The following APOH variants were observed in gnomAD, a reference collection of about 807,000 sequenced individuals.
The protein encoded by APOH is beta-2-glycoprotein 1.
In APOH, 48 loss-of-function variants were observed where a neutral mutation model predicts 39.8. That is an observed-to-expected ratio of 1.21 (90% CI 0.96 to 1.54). The LOEUF (loss-of-function observed/expected upper bound fraction) is 1.54, where lower values mean the gene tolerates loss of function less well. Ranked by LOEUF, APOH falls within the 40% of genes most tolerant of loss-of-function variation. The probability of loss-of-function intolerance (pLI) is 0.00; values close to 1 mark genes in which losing one functional copy is unlikely to be tolerated. For synonymous variants in APOH, 153 were observed against 151.1 expected (o/e 1.01, Z -0.09); for missense variants, 415 against 421.2 (o/e 0.99, Z 0.13).
At position 66,226,114 on chromosome 17, in the gene APOH, A is replaced by T; in HGVS notation, c.252T>A (p.Cys84Ter). 1.2e-6 allele frequency: 2 copies of T among 1,612,308 alleles called. No homozygotes were observed. Among genetic ancestry groups the T allele is most frequent in the East Asian group, 2.2e-5 (1 of 44,844 alleles). ...CATTTTCTAAGATTCCAGCAAAAGGACATACTCTGGCTGTGATACAAAGAT... is the reference window on the plus strand; with the variant it reads ...CATTTTCTAAGATTCCAGCAAAAGGTCATACTCTGGCTGTGATACAAAGAT... ...INTLKCTPRV[C>*]PFAGILENGA... The change falls in exon 3 of 8, where the codon TGT becomes TGA. Residue 84 changes from cysteine (C) to a stop codon, truncating the protein, a stop_gained. Transcript: ENST00000205948. LOFTEE classifies it high-confidence loss of function.
At chr17:66,214,324 G>T in intron 7 of APOH, 129 bp downstream of exon 7, 1 of 845,950 alleles carries the variant, frequency 1.2e-6, no homozygotes, top group South Asian at 1.5e-5. Flanking sequence ...CTCCCAAAGT[G>T]CTGGGATTAC....
Position 66,229,386 on chromosome 17 carries a change from T to G in APOH, c.-7A>C. On this transcript the variant is annotated 5_prime_UTR_variant, in exon 1 of 8. Coordinates refer to ENST00000205948, the MANE Select transcript of APOH (RefSeq NM_000042.3). ...TGAGCACTGGAGAAATCATTGTGGA[T>G]GAGTCACACTGGCACTACCAAAGTG... is the stretch of plus-strand genomic sequence containing the variant. The G allele has an allele frequency of 6.2e-7, 1 of 1,613,160 alleles. No homozygotes were observed. Among genetic ancestry groups the G allele is most frequent in the Non-Finnish European group, 8.5e-7 (1 of 1,179,390 alleles).
At chr17:66,225,603 T>G (rs1421311844) in intron 3 of APOH, among the ~76,000 whole-genome samples, 1 of 152,218 alleles carries the variant, frequency 6.6e-6, no homozygotes, top group Non-Finnish European at 1.5e-5. Context: ...GCAGAAAAAT[T>G]AGATACAGTG....
At chr17:66,223,519 T>A (rs574921163) in intron 4 of APOH, among the ~76,000 whole-genome samples, 179 bp downstream of exon 4, 1 of 152,338 alleles carries the variant, frequency 6.6e-6, no homozygotes, top group African/African-American at 2.4e-5. Context: ...GCTTCCCTTC[T>A]GTCATTCCAA....
intron 4 of APOH, among the ~76,000 whole-genome samples, chr17:66,221,132 G>A (rs1258215154): frequency 1.3e-5 from 2 of 151,706 alleles, no homozygotes; most frequent in Non-Finnish European, 2.9e-5. Context: ...GGCGGAGGTT[G>A]CAGTGAGCCA....
intron 6 of APOH, among the ~76,000 whole-genome samples, chr17:66,215,357 G>A (rs922447506): frequency 6.6e-6 from 1 of 152,232 alleles, no homozygotes; most frequent in South Asian, 2.1e-4. Context: ...CCCCATCCCA[G>A]ATCTACCAAA....
At chr17:66,219,527 A>G (rs1385654961) in intron 5 of APOH, among the ~76,000 whole-genome samples, 1 of 152,202 alleles carries the variant, frequency 6.6e-6, no homozygotes, top group African/African-American at 2.4e-5. Context: ...ACAAGTTACT[A>G]CTGTTATTGG....
intron 3 of APOH, among the ~76,000 whole-genome samples, chr17:66,224,559 GAAAA>G (rs1029424124): frequency 2.4e-5 from 3 of 123,064 alleles, no homozygotes; most frequent in African/African-American, 9.6e-5. Context: ...AGAAAGAAAA[GAAAA>G]GAAAGACGGA....
chr17:66,217,993 A>G (rs1214747699), intron 5 of APOH, among the ~76,000 whole-genome samples: 2 of 152,118 alleles, frequency 1.3e-5, no homozygotes, highest in African/African-American at 4.8e-5. Context: ...AAAATGGTGG[A>G]TGGAGGGAAA....
At chr17:66,221,159 C>T (rs956417606) in intron 4 of APOH, among the ~76,000 whole-genome samples, 3 of 150,616 alleles carry the variant, frequency 2.0e-5, no homozygotes, top group African/African-American at 4.9e-5. Context: ...CACCACTGCA[C>T]TCCAGCCTGG....
Position 66,220,748 on chromosome 17 carries a change from A to T in APOH, c.416-6T>A. ...TGGTGGAGGGCAGATGATGGCTGGG[A>T]AAATAAAGAACTATCATTTCTATGA... On this transcript the variant is annotated splice_polypyrimidine_tract_variant and splice_region_variant and intron_variant, in intron 4 of 7. Transcript: ENST00000205948. The T allele has an allele frequency of 2.5e-6, 4 of 1,601,170 alleles. No homozygotes were observed. Among genetic ancestry groups the T allele is most frequent in the Non-Finnish European group, 3.4e-6 (4 of 1,170,456 alleles).
chr17:66,217,591 T>C (rs2073373521), intron 5 of APOH, among the ~76,000 whole-genome samples: 1 of 151,930 alleles, frequency 6.6e-6, no homozygotes, highest in Admixed American at 6.6e-5. Flanking sequence ...AGGAGGTAAT[T>C]AAGGGTACAA....
chr17:66,220,659 G>A lies in APOH; in HGVS notation c.499C>T (p.Arg167Trp), dbSNP rs1034195006. 14 of 1,614,016 alleles carry A rather than the reference G, an allele frequency of 8.7e-6. No individual in the cohort carries two copies. Among genetic ancestry groups the A allele is most frequent in the African/African-American group, 6.7e-5 (5 of 74,920 alleles). Residue 167 changes from arginine to tryptophan, a missense_variant, in exon 5 of 8, where the codon CGG (arginine) becomes TGG (tryptophan). Coordinates refer to ENST00000205948, the MANE Select transcript of APOH (RefSeq NM_000042.3). ...KPSAGNNSLY[R>W]DTAVFECLPQ... Reference sequence around the variant, plus strand: ...AAACATTCAAAAACTGCTGTGTCCCGATAGAGGGAATTGTTTCCAGCTGAT... The same window carrying A: ...AAACATTCAAAAACTGCTGTGTCCCAATAGAGGGAATTGTTTCCAGCTGAT...
chr17:66,220,044 A>G (rs2073387945), intron 5 of APOH, among the ~76,000 whole-genome samples: 1 of 152,260 alleles, frequency 6.6e-6, no homozygotes, highest in South Asian at 2.1e-4. Flanking sequence ...TTTCTTAAAA[A>G]TCAAATATTT....
At chr17:66,224,732 G>A (rs1434341405) in intron 3 of APOH, among the ~76,000 whole-genome samples, 1 of 141,152 alleles carries the variant, frequency 7.1e-6, no homozygotes, top group Non-Finnish European at 1.5e-5. Context: ...GGAAAGGAAA[G>A]GAAAGGAAAG....
intron 5 of APOH, among the ~76,000 whole-genome samples, chr17:66,217,492 C>A (rs531712376): frequency 6.6e-6 from 1 of 152,152 alleles, no homozygotes; most frequent in Non-Finnish European, 1.5e-5. Context: ...AGATCCTCAA[C>A]AGTAGAGGCC....
rs749413879 is a variant in APOH, at chr17:66,214,464, T to C, written c.971A>G (p.Lys324Arg). ...QCIDGTIEVP[K>R]CFKEHSSLAF... is the part of the protein sequence containing the mutation. Reference sequence around the variant, plus strand: ...CAATGCAGACTTACCCTTGAAGCATTTGGGGACTTCGATAGTGCCATCTAT... The same window carrying C: ...CAATGCAGACTTACCCTTGAAGCATCTGGGGACTTCGATAGTGCCATCTAT... The change falls in exon 7 of 8, where the codon AAA becomes AGA. Residue 324 changes from lysine (K) to arginine (R), a missense_variant. Physicochemically the swap from Lys to Arg is conservative, Grantham distance 26. Coordinates refer to ENST00000205948, the MANE Select transcript of APOH (RefSeq NM_000042.3). 1.2e-5 allele frequency: 19 copies of C among 1,613,630 alleles called. No homozygotes were observed. Among genetic ancestry groups the C allele is most frequent in the African/African-American group, 2.7e-5 (2 of 74,876 alleles).
intron 5 of APOH, among the ~76,000 whole-genome samples, chr17:66,218,799 C>G (rs1010980184): frequency 6.6e-6 from 1 of 151,642 alleles, no homozygotes. Flanking sequence ...CATTTTAGTT[C>G]GGGAGTTTGA....
chr17:66,218,640 G>A (rs1029815312), intron 5 of APOH, among the ~76,000 whole-genome samples: 4 of 152,124 alleles, frequency 2.6e-5, no homozygotes, highest in African/African-American at 9.7e-5. Context: ...ATCAAGTTCA[G>A]ATTATGGAAC....
Sources: allele counts gnomAD v4.1 joint callset (sites outside exome capture counted in the v4.1 genomes callset), GRCh38; gene constraint gnomAD v4.1.1; transcripts MANE v1.5; gene names NCBI Gene and HGNC (gene_info 2026-07-23, HGNC 2026-07-21).